The following LRRTM4 variants were observed in gnomAD, a reference collection of about 807,000 sequenced individuals.
LRRTM4 encodes leucine rich repeat transmembrane neuronal 4.
Under a neutral mutation model 47.6 loss-of-function variants are expected in LRRTM4, and 25 were observed. The observed-to-expected ratio is 0.53, with a 90% CI of 0.38 to 0.73. LRRTM4 has a LOEUF of 0.73. Among genes scored for constraint, LRRTM4 ranks in the 30% least tolerant of loss-of-function variants. LRRTM4 has a pLI of 0.00. For missense variants in LRRTM4, 638 were observed against 713.4 expected (o/e 0.89, Z 1.20); for synonymous variants, 311 against 269.5 (o/e 1.15, Z -1.51).
chr2:76,940,603 T>C (rs1320498063), intron 3 of LRRTM4, among the ~76,000 whole-genome samples: 2 of 152,182 alleles, frequency 1.3e-5, no homozygotes, highest in Non-Finnish European at 2.9e-5. Flanking sequence ...AGTTTACCTA[T>C]AGAACAAACA....
intron 3 of LRRTM4, among the ~76,000 whole-genome samples, chr2:77,281,313 G>A (rs895875727): frequency 1.3e-5 from 2 of 151,854 alleles, no homozygotes; most frequent in Admixed American, 6.6e-5. Flanking sequence ...CATGATTTCT[G>A]TAGATGGTTA....
chr2:76,912,822 C>T (rs1469214821), intron 3 of LRRTM4, among the ~76,000 whole-genome samples: 2 of 152,172 alleles, frequency 1.3e-5, no homozygotes, highest in East Asian at 1.9e-4. Flanking sequence ...CTCTCATCCT[C>T]CTGTGCTGGC....
intron 3 of LRRTM4, among the ~76,000 whole-genome samples, chr2:76,795,176 TAGAAAA>T (rs1368450939): frequency 2.0e-5 from 3 of 151,974 alleles, no homozygotes; most frequent in East Asian, 1.9e-4. Context: ...TCAGCAAACA[TAGAAAA>T]AGGTGCCCGA....
At chr2:76,994,901 T>C (rs1239073926) in intron 3 of LRRTM4, among the ~76,000 whole-genome samples, 2 of 152,048 alleles carry the variant, frequency 1.3e-5, no homozygotes, top group Non-Finnish European at 1.5e-5. Context: ...TATGGCATTC[T>C]ATCTAAGCTA....
intron 3 of LRRTM4, among the ~76,000 whole-genome samples, chr2:77,274,409 T>C (rs1676286023): frequency 6.6e-6 from 1 of 152,192 alleles, no homozygotes; most frequent in African/African-American, 2.4e-5. Flanking sequence ...GTTTGGATGA[T>C]AAATTTGCTC....
chr2:76,829,202 C>T (rs537555090), intron 3 of LRRTM4, among the ~76,000 whole-genome samples: 2 of 151,934 alleles, frequency 1.3e-5, no homozygotes, highest in African/African-American at 2.4e-5. Flanking sequence ...AGACATAACC[C>T]AAGAGCAACT....
chr2:77,081,023 C>T (rs973930632), intron 3 of LRRTM4, among the ~76,000 whole-genome samples: 1 of 152,110 alleles, frequency 6.6e-6, no homozygotes, highest in Non-Finnish European at 1.5e-5. Flanking sequence ...TATTTTCTTG[C>T]TTTAATTGCA....
intron 3 of LRRTM4, among the ~76,000 whole-genome samples, chr2:76,826,025 T>G (rs1211677475): frequency 6.6e-6 from 1 of 151,738 alleles, no homozygotes; most frequent in Non-Finnish European, 1.5e-5. Flanking sequence ...TAAAATAGTT[T>G]CTTGGAATTG....
chr2:77,466,977 C>T (rs891196741), intron 3 of LRRTM4, among the ~76,000 whole-genome samples: 3 of 151,972 alleles, frequency 2.0e-5, no homozygotes, highest in African/African-American at 4.8e-5. Flanking sequence ...GGATTGCAAA[C>T]GTGAGCCACC....
chr2:77,255,370 A>C (rs1675736739), intron 3 of LRRTM4, among the ~76,000 whole-genome samples: 1 of 151,990 alleles, frequency 6.6e-6, no homozygotes, highest in Non-Finnish European at 1.5e-5. Flanking sequence ...ACTAGACAGA[A>C]GTTCAGCAAG....
intron 3 of LRRTM4, among the ~76,000 whole-genome samples, chr2:77,230,383 C>T (rs775359640): frequency 1.1e-4 from 17 of 151,892 alleles, no homozygotes; most frequent in Non-Finnish European, 1.5e-4. Flanking sequence ...CTAGTAACAT[C>T]ATCAGAGAGA....
At chr2:76,823,122 CAGAA>C (rs1245335557) in intron 3 of LRRTM4, among the ~76,000 whole-genome samples, 1 of 151,054 alleles carries the variant, frequency 6.6e-6, no homozygotes. Flanking sequence ...TTACATTGAA[CAGAA>C]AGAAAAGATC....
chr2:77,299,002 A>G (rs951341886), intron 3 of LRRTM4, among the ~76,000 whole-genome samples: 2 of 152,172 alleles, frequency 1.3e-5, no homozygotes, highest in African/African-American at 4.8e-5. Context: ...AAAATCGTTT[A>G]TATAAAACAC....
chr2:77,177,587 A>G (rs141267356), intron 3 of LRRTM4, among the ~76,000 whole-genome samples: 2 of 152,280 alleles, frequency 1.3e-5, no homozygotes, highest in South Asian at 2.1e-4. Context: ...TCTTCAGTCT[A>G]CCCATAGTCA....
chr2:77,420,478 T>A (rs958766098), intron 3 of LRRTM4, among the ~76,000 whole-genome samples: 8 of 151,990 alleles, frequency 5.3e-5, no homozygotes, highest in Non-Finnish European at 1.2e-4. Flanking sequence ...ACCACAAGTA[T>A]AAAACAAATG....
At chr2:77,059,858 A>G (rs56785892) in intron 3 of LRRTM4, among the ~76,000 whole-genome samples, 2,964 of 152,304 alleles carry the variant, frequency 0.019, 107 homozygotes, top group African/African-American at 0.068. Flanking sequence ...ACCTGAAATA[A>G]TATCTCCAAC....
intron 3 of LRRTM4, among the ~76,000 whole-genome samples, chr2:77,472,141 G>T (rs1455661620): frequency 6.6e-6 from 1 of 152,096 alleles, no homozygotes; most frequent in African/African-American, 2.4e-5. Flanking sequence ...TTATGTTGGT[G>T]ATTTTGTTAT....
chr2:77,219,714 G>A (rs1387654265), intron 3 of LRRTM4, among the ~76,000 whole-genome samples: 3 of 152,150 alleles, frequency 2.0e-5, no homozygotes, highest in South Asian at 2.1e-4. Context: ...ATTCTTTTAC[G>A]CAGCAGCTGT....
intron 3 of LRRTM4, among the ~76,000 whole-genome samples, chr2:77,173,036 A>G (rs1434503087): frequency 1.3e-5 from 2 of 152,246 alleles, no homozygotes; most frequent in Non-Finnish European, 2.9e-5. Context: ...TGCAATAATC[A>G]GCTGCCAATG....
Sources: gnomAD v4.1 joint callset for allele counts (sites outside exome capture counted in the v4.1 genomes callset) on GRCh38, gnomAD v4.1.1 for gene constraint, MANE v1.5 for transcripts, NCBI Gene and HGNC (gene_info 2026-07-23, HGNC 2026-07-21) for gene names.